The following DNAAF4 variants were observed in gnomAD, a reference collection of about 807,000 sequenced individuals.
The protein encoded by DNAAF4 is dynein assembly factor 4, axonemal.
In DNAAF4, 43 loss-of-function variants were observed where a neutral mutation model predicts 51.8. The ratio of observed to expected loss-of-function variants is 0.83; its 90% confidence interval spans 0.65 to 1.07. DNAAF4 has a LOEUF of 1.07. DNAAF4 is among the 50% of genes least tolerant of loss of function. The probability of loss-of-function intolerance (pLI) is 0.00; values close to 1 mark genes in which losing one functional copy is unlikely to be tolerated. For synonymous variants in DNAAF4, 194 were observed against 165.6 expected, an observed-to-expected ratio of 1.17 and a Z score of -1.32; for missense variants, 581 against 493.0, an observed-to-expected ratio of 1.18 and a Z score of -1.69.
intron 7 of DNAAF4, among the ~76,000 whole-genome samples, chr15:55,421,375 T>A (rs1035536241): frequency 6.6e-6 from 1 of 151,820 alleles, no homozygotes; most frequent in African/African-American, 2.4e-5. Flanking sequence ...TGGTGGTGCA[T>A]GCCTGTAATC....
chr15:55,428,441 G>C (rs1028125883), downstream of DNAAF4, among the ~76,000 whole-genome samples: 10 of 141,452 alleles, frequency 7.1e-5, no homozygotes, highest in African/African-American at 2.3e-4. Context: ...TTAAAAGCAA[G>C]ATAAATTCAG....
intron 8 of DNAAF4, 50 bp downstream of exon 8, chr15:55,434,855 A>C: frequency 1.5e-6 from 2 of 1,355,432 alleles, no homozygotes; most frequent in Non-Finnish European, 9.8e-7. Context: ...TAAACCAATT[A>C]ATAGAAGGAT....
At chr15:55,427,490 T>G (rs1173260115), downstream of DNAAF4, among the ~76,000 whole-genome samples, 1 of 151,900 alleles carries the variant, frequency 6.6e-6, no homozygotes, top group Non-Finnish European at 1.5e-5. Context: ...AGTTCCTGGT[T>G]GGGGGGGCCA....
chr15:55,491,094 G>A (rs776121861), intron 4 of DNAAF4, 29 bp downstream of exon 4: 2 of 1,613,544 alleles, frequency 1.2e-6, no homozygotes, highest in Non-Finnish European at 1.7e-6. Flanking sequence ...TATCTCTTTA[G>A]AGGACTTGCC....
At chr15:55,466,553 CTT>C in intron 5 of DNAAF4, among the ~76,000 whole-genome samples, 1 of 152,292 alleles carries the variant, frequency 6.6e-6, no homozygotes, top group East Asian at 1.9e-4. Flanking sequence ...AGGAAAAGGT[CTT>C]TTAATGAAAT....
intron 4 of DNAAF4, among the ~76,000 whole-genome samples, chr15:55,471,687 G>A (rs1331988689): frequency 6.6e-6 from 1 of 151,364 alleles, no homozygotes; most frequent in Non-Finnish European, 1.5e-5. Flanking sequence ...CTAATTTTTT[G>A]TATTTTTAGT....
At chr15:55,467,229 C>A (rs1595924787) in intron 4 of DNAAF4, 68 bp from the exon 5 acceptor site, 1 of 1,324,454 alleles carries the variant, frequency 7.6e-7, no homozygotes, top group East Asian at 2.4e-5. Flanking sequence ...ATGAGAAATT[C>A]ATTACAATAA....
intron 4 of DNAAF4, among the ~76,000 whole-genome samples, chr15:55,475,958 C>T (rs1365761899): frequency 6.6e-6 from 1 of 152,020 alleles, no homozygotes; most frequent in Non-Finnish European, 1.5e-5. Context: ...TGCATGGTGA[C>T]CCTATCACCT....
At chr15:55,461,676 T>A (rs1235523049) in intron 5 of DNAAF4, among the ~76,000 whole-genome samples, 2 of 151,532 alleles carry the variant, frequency 1.3e-5, no homozygotes, top group Non-Finnish European at 2.9e-5. Context: ...AACGCCTACA[T>A]CAAAAAGTCT....
intron 5 of DNAAF4, among the ~76,000 whole-genome samples, chr15:55,462,060 G>A (rs564476861): frequency 6.6e-6 from 1 of 152,132 alleles, no homozygotes; most frequent in South Asian, 2.1e-4. Flanking sequence ...CAACCTAGAA[G>A]GAATTAAACA....
At chr15:55,429,262 G>A (rs564359470), downstream of DNAAF4, among the ~76,000 whole-genome samples, 7 of 149,788 alleles carry the variant, frequency 4.7e-5, no homozygotes, top group African/African-American at 1.7e-4. Flanking sequence ...GCTCATGCCT[G>A]TAATCCCTGC....
chr15:55,426,580 C>A (rs2057432708), downstream of DNAAF4, among the ~76,000 whole-genome samples: 1 of 152,144 alleles, frequency 6.6e-6, no homozygotes, highest in Non-Finnish European at 1.5e-5. Flanking sequence ...CAGGTGCTTG[C>A]CACCATGTCC....
chr15:55,465,393 T>C (rs596772), intron 5 of DNAAF4, among the ~76,000 whole-genome samples: 103,038 of 149,702 alleles, frequency 0.69, 35,729 homozygotes, highest in East Asian at 0.79. Flanking sequence ...GGTGTATATA[T>C]ACACACACAC....
intron 7 of DNAAF4, among the ~76,000 whole-genome samples, chr15:55,438,446 C>T (rs574873712): frequency 2.6e-5 from 4 of 151,472 alleles, no homozygotes; most frequent in African/African-American, 7.3e-5. Flanking sequence ...TTTGTGTTTA[C>T]ATCACTGACC....
intron 4 of DNAAF4, among the ~76,000 whole-genome samples, chr15:55,484,769 G>T (rs942768014): frequency 1.3e-5 from 2 of 152,186 alleles, no homozygotes; most frequent in South Asian, 4.1e-4. Flanking sequence ...TGAAGAACTT[G>T]AAGTCCCATG....
At chr15:55,497,535 G>C (rs751773887) in intron 3 of DNAAF4, among the ~76,000 whole-genome samples, 177 bp downstream of exon 3, 1 of 152,000 alleles carries the variant, frequency 6.6e-6, no homozygotes, top group Non-Finnish European at 1.5e-5. Flanking sequence ...CGGGGGCAGA[G>C]GTTGCAGTAA....
intron 1 of DNAAF4, among the ~76,000 whole-genome samples, chr15:55,500,185 G>A (rs1212987298): frequency 6.6e-6 from 1 of 152,094 alleles, no homozygotes; most frequent in Non-Finnish European, 1.5e-5. Context: ...AATTCATTGA[G>A]GAAAGATAAG....
chr15:55,421,200 A>C (rs1197291955), intron 7 of DNAAF4, among the ~76,000 whole-genome samples: 7 of 150,994 alleles, frequency 4.6e-5, no homozygotes, highest in African/African-American at 1.7e-4. Context: ...AAAAAAAAAA[A>C]AAAAAATTCT....
intron 8 of DNAAF4, among the ~76,000 whole-genome samples, chr15:55,433,985 TA>T (rs2057562358): frequency 2.9e-5 from 2 of 70,028 alleles, no homozygotes; most frequent in African/African-American, 1.1e-4. Context: ...ATATTATATA[TA>T]ATATATATAA....
Sources: gnomAD v4.1 joint callset for allele counts (sites outside exome capture counted in the v4.1 genomes callset) on GRCh38, gnomAD v4.1.1 for gene constraint, MANE v1.5 for transcripts, NCBI Gene and HGNC (gene_info 2026-07-23, HGNC 2026-07-21) for gene names.